TMEM232: variants seen among roughly 807,000 people sequenced by gnomAD.
The protein encoded by TMEM232 is transmembrane protein 232.
TMEM232 carries 80 observed loss-of-function variants against 78.8 expected under a neutral mutation model. The observed-to-expected ratio is 1.01, with a 90% CI of 0.85 to 1.22. The LOEUF is 1.22. TMEM232 is among the 50% of genes most tolerant of loss of function. TMEM232 has a pLI of 0.00. For synonymous variants in TMEM232, 297 were observed against 254.3 expected (o/e 1.17, Z -1.60); for missense variants, 881 against 742.2 (o/e 1.19, Z -2.17).
At chr5:110,438,250 A>G (rs917355423) in intron 12 of TMEM232, among the ~76,000 whole-genome samples, 8 of 151,436 alleles carry the variant, frequency 5.3e-5, no homozygotes, top group Admixed American at 4.0e-4. Context: ...CTCCTATACC[A>G]ACTGGGTTTG....
chr5:110,653,179 G>T (rs114886448), intron 2 of TMEM232, among the ~76,000 whole-genome samples: 4,365 of 152,296 alleles, frequency 0.029, 166 homozygotes, highest in African/African-American at 0.088. Flanking sequence ...TCACAGTGAT[G>T]AAACATAAGG....
In TMEM232 at chr5:110,513,142, T is replaced by C. The variant is rs1561599825; in HGVS notation, c.1703+15446A>G. Among the ~76,000 whole-genome samples the C allele has an allele frequency of 2.6e-5, 4 of 152,276 alleles. No individual in the cohort carries two copies. In the South Asian group the frequency reaches 8.3e-4, roughly 32 times the overall value. On this transcript the variant is annotated intron_variant, in intron 12 of 13. Coordinates refer to ENST00000455884, the MANE Select transcript of TMEM232 (RefSeq NM_001039763.4). ...GATGTAACAGATAGATAGATAGAAA[T>C]TGATTTATCTCCAAGGCAAGTTTGC...
At chr5:110,464,298 AT>A (rs1761845214) in intron 12 of TMEM232, among the ~76,000 whole-genome samples, 1 of 152,206 alleles carries the variant, frequency 6.6e-6, no homozygotes, top group Non-Finnish European at 1.5e-5. Flanking sequence ...AAGCTACAAA[AT>A]AAAGTCTTGT....
At chr5:110,544,132 C>T (rs183148127) in intron 11 of TMEM232, among the ~76,000 whole-genome samples, 67 of 152,060 alleles carry the variant, frequency 4.4e-4, no homozygotes, top group African/African-American at 1.6e-3. Flanking sequence ...TTTAGTGATG[C>T]CTATGAAGAT....
At chr5:110,596,329 C>A (rs1287863363) in intron 10 of TMEM232, among the ~76,000 whole-genome samples, 2 of 152,170 alleles carry the variant, frequency 1.3e-5, no homozygotes, top group African/African-American at 4.8e-5. Flanking sequence ...AGTTGAATCT[C>A]TGAATAGACC....
intron 8 of TMEM232, among the ~76,000 whole-genome samples, chr5:110,607,897 A>C (rs1781711362): frequency 6.6e-6 from 1 of 151,888 alleles, no homozygotes; most frequent in South Asian, 2.1e-4. Context: ...GATAAAAATC[A>C]CCTGCTATAC....
chr5:110,500,606 G>A (rs974627018), intron 12 of TMEM232, among the ~76,000 whole-genome samples: 1 of 151,858 alleles, frequency 6.6e-6, no homozygotes, highest in African/African-American at 2.4e-5. Context: ...AATGATCTAA[G>A]TTTCCACCTT....
chr5:110,447,053 C>T (rs1042151702), intron 12 of TMEM232, among the ~76,000 whole-genome samples: 6 of 151,472 alleles, frequency 4.0e-5, no homozygotes, highest in Admixed American at 6.6e-5. Context: ...ACTGTGCTCC[C>T]AAAGTGAGAC....
chr5:110,409,399 C>T (rs1345921763), intron 2 of TMEM232, among the ~76,000 whole-genome samples: 2 of 152,172 alleles, frequency 1.3e-5, no homozygotes, highest in Non-Finnish European at 2.9e-5. Flanking sequence ...CAGGCCCTGA[C>T]AGTCATGTCA....
At position 110,627,768 on chromosome 5, in the gene TMEM232, A is replaced by G. The variant is rs760275481; in HGVS notation, c.601+13T>C. On this transcript the variant is annotated intron_variant, in intron 6 of 13. Coordinates refer to ENST00000455884, the MANE Select transcript of TMEM232 (RefSeq NM_001039763.4). ...TAAAACATTTATAAGTGTAAAAATA[A>G]AAGATATTCTACCGTATAAATATGG... The G allele has an allele frequency of 7.7e-6, 11 of 1,424,424 alleles. No individual in the cohort carries two copies. The highest frequency in any genetic ancestry group is 1.9e-4 in the Middle Eastern group (1 of 5,250). 88.2% of individuals were successfully genotyped at this position (1,424,424 alleles called of 1,614,324 possible). A position where few individuals can be genotyped will look rare whatever the true frequency, so the allele number is the denominator to read the frequency against.
At chr5:110,735,725 C>A (rs747951619) in intron 1 of TMEM232, among the ~76,000 whole-genome samples, 24 of 152,258 alleles carry the variant, frequency 1.6e-4, no homozygotes, top group Admixed American at 7.8e-4. Context: ...TTCCCCCTTG[C>A]TGTCTGTCTC....
intron 12 of TMEM232, among the ~76,000 whole-genome samples, chr5:110,512,279 T>C (rs1472220887): frequency 1.3e-5 from 2 of 152,188 alleles, no homozygotes; most frequent in Non-Finnish European, 2.9e-5. Context: ...AATAAATAAT[T>C]ATTGAATAAA....
chr5:110,690,590 G>A (rs1291868512), intron 1 of TMEM232, among the ~76,000 whole-genome samples: 2 of 152,136 alleles, frequency 1.3e-5, no homozygotes, highest in Admixed American at 6.5e-5. Flanking sequence ...TCTAGAACCA[G>A]AAATACTATT....
At chr5:110,513,512 A>T (rs1163847820) in intron 12 of TMEM232, among the ~76,000 whole-genome samples, 1 of 152,148 alleles carries the variant, frequency 6.6e-6, no homozygotes, top group Non-Finnish European at 1.5e-5. Flanking sequence ...TAACCCAAGT[A>T]AAAAGTCAAC....
At chr5:110,543,597 T>C (rs1773427647) in intron 11 of TMEM232, among the ~76,000 whole-genome samples, 2 of 152,140 alleles carry the variant, frequency 1.3e-5, no homozygotes, top group African/African-American at 4.8e-5. Context: ...TTCATCTATG[T>C]TATTGGGATA....
At chr5:110,724,157 G>A (rs1271769840) in intron 1 of TMEM232, among the ~76,000 whole-genome samples, 2 of 152,026 alleles carry the variant, frequency 1.3e-5, no homozygotes, top group Admixed American at 6.6e-5. Flanking sequence ...CTCTTGCATG[G>A]GACTTTATTG....
downstream of TMEM232, among the ~76,000 whole-genome samples, chr5:110,418,472 A>G (rs1756354907): frequency 6.6e-6 from 1 of 152,184 alleles, no homozygotes; most frequent in African/African-American, 2.4e-5. Flanking sequence ...CCAAATATTA[A>G]GAATTTTAAA....
At chr5:110,583,547 G>A (rs1032951183) in intron 10 of TMEM232, among the ~76,000 whole-genome samples, 2 of 151,580 alleles carry the variant, frequency 1.3e-5, no homozygotes, top group African/African-American at 4.8e-5. Flanking sequence ...GAAAATATGG[G>A]GAAAATACTC....
At chr5:110,508,445 A>G (rs1767220307) in intron 12 of TMEM232, among the ~76,000 whole-genome samples, 1 of 151,380 alleles carries the variant, frequency 6.6e-6, no homozygotes, top group South Asian at 2.1e-4. Context: ...ACACACATAT[A>G]TATCTTGAGG....
Sources: gnomAD v4.1 joint callset for allele counts (sites outside exome capture counted in the v4.1 genomes callset) on GRCh38, gnomAD v4.1.1 for gene constraint, MANE v1.5 for transcripts, NCBI Gene and HGNC (gene_info 2026-07-23, HGNC 2026-07-21) for gene names.